The following TNFAIP8 variants were observed in gnomAD, a reference collection of about 807,000 sequenced individuals.
TNFAIP8 encodes TNF alpha induced protein 8, also known as tumor necrosis factor alpha-induced protein 8.
Under a neutral mutation model 13.3 loss-of-function variants are expected in TNFAIP8, and 7 were observed. The ratio of observed to expected loss-of-function variants is 0.52; its 90% CI spans 0.30 to 0.99. The LOEUF (loss-of-function observed/expected upper bound fraction) is 0.99, where lower values mean the gene tolerates loss of function less well. Among genes scored for constraint, TNFAIP8 ranks in the 50% least tolerant of loss-of-function variants. The pLI, the probability that TNFAIP8 is intolerant of heterozygous loss-of-function variation, is 0.07. For missense variants in TNFAIP8, 258 were observed against 236.9 expected (o/e 1.09, Z -0.58); for synonymous variants, 94 against 87.6 (o/e 1.07, Z -0.41).
intron 1 of TNFAIP8, among the ~76,000 whole-genome samples, chr5:119,387,705 G>A (rs1422439191): frequency 6.6e-6 from 1 of 152,016 alleles, no homozygotes; most frequent in Non-Finnish European, 1.5e-5. Context: ...TGATGCTAAA[G>A]CCAGAATTCC....
intron 1 of TNFAIP8, among the ~76,000 whole-genome samples, chr5:119,375,597 A>T (rs894947120): frequency 1.2e-4 from 18 of 152,186 alleles, no homozygotes; most frequent in African/African-American, 2.9e-4. Context: ...GACTATAATG[A>T]TCTTTTTAGT....
chr5:119,319,747 A>G (rs942495752), intron 1 of TNFAIP8, among the ~76,000 whole-genome samples: 20 of 152,226 alleles, frequency 1.3e-4, no homozygotes, highest in African/African-American at 4.8e-4. Flanking sequence ...TTTATGTTAA[A>G]GAACGCCGAG....
chr5:119,351,470 G>C (rs1490523244), upstream of TNFAIP8, among the ~76,000 whole-genome samples: 2 of 152,076 alleles, frequency 1.3e-5, no homozygotes, highest in African/African-American at 2.4e-5. Context: ...TATAAAATAG[G>C]CTTTGTACTA....
chr5:119,273,909 T>C (rs1748366015), intron 1 of TNFAIP8, among the ~76,000 whole-genome samples: 1 of 152,234 alleles, frequency 6.6e-6, no homozygotes, highest in Non-Finnish European at 1.5e-5. Context: ...CAGCTCACTC[T>C]GTCAATACCC....
At chr5:119,303,572 G>A (rs1308747358) in intron 1 of TNFAIP8, among the ~76,000 whole-genome samples, 2 of 152,124 alleles carry the variant, frequency 1.3e-5, no homozygotes, top group African/African-American at 4.8e-5. Context: ...GGGTGTAGTA[G>A]ATCCAAAAAG....
intron 1 of TNFAIP8, among the ~76,000 whole-genome samples, chr5:119,346,664 G>T (rs942049175): frequency 2.6e-5 from 4 of 152,102 alleles, no homozygotes; most frequent in African/African-American, 9.7e-5. Flanking sequence ...GCAAAGAAAT[G>T]ACATCATCAA....
chr5:119,301,391 G>C (rs1749387260), intron 1 of TNFAIP8, among the ~76,000 whole-genome samples: 1 of 152,002 alleles, frequency 6.6e-6, no homozygotes, highest in South Asian at 2.1e-4. Flanking sequence ...ATCCTATTCA[G>C]TCTTCAAAGC....
At chr5:119,275,447 G>A (rs936324476) in intron 1 of TNFAIP8, among the ~76,000 whole-genome samples, 6 of 152,130 alleles carry the variant, frequency 3.9e-5, no homozygotes, top group East Asian at 1.9e-4. Flanking sequence ...CAACAGCGGC[G>A]CATGTTTGGA....
At chr5:119,290,043 G>A (rs1748932967) in intron 1 of TNFAIP8, among the ~76,000 whole-genome samples, 1 of 152,162 alleles carries the variant, frequency 6.6e-6, no homozygotes, top group African/African-American at 2.4e-5. Flanking sequence ...AAAGCATGCA[G>A]AGTTGAAAAA....
intron 1 of TNFAIP8, among the ~76,000 whole-genome samples, chr5:119,277,971 C>G (rs1050053778): frequency 6.6e-6 from 1 of 152,126 alleles, no homozygotes; most frequent in African/African-American, 2.4e-5. Flanking sequence ...TCACTTCTAA[C>G]CACCTCTTAA....
At chr5:119,370,912 G>A (rs964290079) in intron 1 of TNFAIP8, among the ~76,000 whole-genome samples, 1 of 152,140 alleles carries the variant, frequency 6.6e-6, no homozygotes, top group African/African-American at 2.4e-5. Context: ...TTGGGAACCT[G>A]GAATCTCAAC....
In TNFAIP8 at chr5:119,324,274, C is replaced by CAAAAAAA. The variant is rs56104829; in HGVS notation, c.1+55401_1+55407dup. 1.0e-3 allele frequency among the ~76,000 whole-genome samples: 79 copies of CAAAAAAA among 77,650 alleles called. 4 individuals are homozygous for CAAAAAAA. The highest frequency in any genetic ancestry group is 1.3e-3 in the Non-Finnish European group (50 of 39,452). 50.9% of individuals were successfully genotyped at this position (77,650 alleles called of 152,430 possible). A position where few individuals can be genotyped will look rare whatever the true frequency, so the allele number is the denominator to read the frequency against. On this transcript the variant is annotated intron_variant, in intron 1 of 1. Transcript: ENST00000274456. The stretch of plus-strand genomic sequence containing the variant: ...TGAGCCACAAAGCAAGACGCCATCT[C>CAAAAAAA]AAAAAAAAAAAAAAAAAAAAAAAAA...
chr5:119,361,017 A>G (rs1200286306), intron 1 of TNFAIP8, among the ~76,000 whole-genome samples: 4 of 152,250 alleles, frequency 2.6e-5, no homozygotes, highest in African/African-American at 9.6e-5. Context: ...AAAATTAGCT[A>G]TTGAGGGTGT....
chr5:119,354,469 A>G (rs2112767508), upstream of TNFAIP8: 1 of 152,294 alleles, frequency 6.6e-6, no homozygotes. Context: ...TAATATTTAT[A>G]ATAGCCTTCA....
intron 1 of TNFAIP8, among the ~76,000 whole-genome samples, chr5:119,371,527 C>T (rs1224021906): frequency 9.2e-5 from 14 of 152,168 alleles, no homozygotes; most frequent in African/African-American, 3.1e-4. Context: ...AAACAATTAA[C>T]AGGATACTAG....
chr5:119,383,917 G>C (rs1179651085), intron 1 of TNFAIP8, among the ~76,000 whole-genome samples: 1 of 152,160 alleles, frequency 6.6e-6, no homozygotes, highest in Admixed American at 6.5e-5. Flanking sequence ...TTTCTTCCCT[G>C]CAGGGAGACC....
chr5:119,378,359 A>G lies in TNFAIP8; in HGVS notation c.32-14457A>G, dbSNP rs187124475. On this transcript the variant is annotated intron_variant, in intron 1 of 1. Coordinates refer to ENST00000504771, the MANE Select transcript of TNFAIP8 (RefSeq NM_014350.4). The stretch of plus-strand genomic sequence containing the variant: ...TTTCAGAGCTTCAGAGTGTCTTGAT[A>G]TTTAAAATGAGATCGTTTACATGAA... Among the ~76,000 whole-genome samples the G allele has an allele frequency of 9.9e-5, 15 of 152,276 alleles. No individual in the cohort carries two copies. In the East Asian group the frequency reaches 2.9e-3, roughly 29 times the overall value.
At chr5:119,372,063 G>A (rs1752095970) in intron 1 of TNFAIP8, among the ~76,000 whole-genome samples, 1 of 151,972 alleles carries the variant, frequency 6.6e-6, no homozygotes, top group Non-Finnish European at 1.5e-5. Context: ...CGTGAACCCG[G>A]GAGGCGGAGC....
intron 1 of TNFAIP8, among the ~76,000 whole-genome samples, chr5:119,275,496 G>A (rs962381535): frequency 1.3e-5 from 2 of 152,120 alleles, no homozygotes; most frequent in East Asian, 1.9e-4. Flanking sequence ...GTTGCCAAGC[G>A]GACCGTTTCC....
Sources: allele counts gnomAD v4.1 joint callset (sites outside exome capture counted in the v4.1 genomes callset), GRCh38; gene constraint gnomAD v4.1.1; transcripts MANE v1.5; gene names NCBI Gene and HGNC (gene_info 2026-07-23, HGNC 2026-07-21).